Variants in TANC1 observed in about 807,000 individuals in gnomAD.
The protein encoded by TANC1 is tetratricopeptide repeat, ankyrin repeat and coiled-coil containing 1.
TANC1 carries 77 observed loss-of-function variants against 149.7 expected under a neutral mutation model. The ratio of observed to expected loss-of-function variants is 0.51; its 90% CI spans 0.43 to 0.62. TANC1 has a LOEUF of 0.62. Ranked by LOEUF, TANC1 falls within the 20% of genes least tolerant of loss-of-function variation. The pLI is 0.00. For missense variants in TANC1, 1,985 were observed against 2,321.8 expected (o/e 0.85, Z 2.98); for synonymous variants, 854 against 925.0 (o/e 0.92, Z 1.39).
intron 3 of TANC1, among the ~76,000 whole-genome samples, chr2:159,096,293 AT>A (rs35914993): frequency 0.031 from 4,079 of 130,680 alleles, 66 homozygotes; most frequent in African/African-American, 0.042. Context: ...GACTGGCTGT[AT>A]TTTTTTTTTT....
chr2:159,155,348 G>A (rs2053309300), intron 7 of TANC1, among the ~76,000 whole-genome samples: 1 of 152,212 alleles, frequency 6.6e-6, no homozygotes, highest in Non-Finnish European at 1.5e-5. Flanking sequence ...CTGGCTGAGG[G>A]AGGGGCCGTT....
rs10603858 is a variant in TANC1 at position 159,207,697 on chromosome 2, C to CAAAAAAAAAAAAAAAAAAAAAAAAAAA, written c.3244+8648_3244+8674dup. On this transcript the variant is annotated intron_variant, in intron 19 of 26. Transcript: ENST00000263635. ...CTGGGCGACTGAGCAACACGTGTCT[C>CAAAAAAAAAAAAAAAAAAAAAAAAAAA]AAAAAAAAAAAAAAAAAAAAAAAAA... Among the ~76,000 whole-genome samples, 14 of 49,432 alleles carry CAAAAAAAAAAAAAAAAAAAAAAAAAAA rather than the reference C, an allele frequency of 2.8e-4. 1 individual carries two copies. The highest frequency in any genetic ancestry group is 3.9e-4 in the Non-Finnish European group (13 of 33,188). 32.4% of individuals were successfully genotyped at this position (49,432 alleles called of 152,430 possible).
chr2:159,219,512 T>A, intron 21 of TANC1, 151 bp downstream of exon 21: 2 of 1,277,164 alleles, frequency 1.6e-6, no homozygotes, highest in South Asian at 2.7e-5. Flanking sequence ...CACAGCCACA[T>A]GCCTGGTATT....
At chr2:159,197,964 A>C (rs530407530) in intron 18 of TANC1, among the ~76,000 whole-genome samples, 1 of 152,274 alleles carries the variant, frequency 6.6e-6, no homozygotes, top group South Asian at 2.1e-4. Flanking sequence ...AAATCACACT[A>C]TTGGGAGGTC....
intron 19 of TANC1, among the ~76,000 whole-genome samples, chr2:159,199,409 A>G (rs915309877): frequency 5.9e-5 from 9 of 152,218 alleles, no homozygotes; most frequent in African/African-American, 2.2e-4. Context: ...ATGGCGAGCC[A>G]GGCATGAACT....
At position 159,228,809 on chromosome 2, in the gene TANC1, C is replaced by G. The variant is rs1317304774; in HGVS notation, c.4064C>G (p.Ala1355Gly). ...CRRKTNDFGM[A>G]EEFASKALEL... ...TGTCGACACCAGGACTTTGGCATGGCAGAGGAATTTGCTTCCAAGGCTCTC... is the reference window on the plus strand; with the variant it reads ...TGTCGACACCAGGACTTTGGCATGGGAGAGGAATTTGCTTCCAAGGCTCTC... Residue 1355 changes from alanine to glycine, a missense_variant, in exon 26 of 27, where the codon GCA becomes GGA. By Grantham distance (60) the Ala-to-Gly change is moderately conservative (BLOSUM62 0). This residue lies in a region of TANC1 where 920 missense variants were observed against 994.7 expected (regional missense o/e 0.92). Transcript: ENST00000263635. The G allele has an allele frequency of 6.2e-7, 1 of 1,613,958 alleles. No homozygotes were observed. The highest frequency in any genetic ancestry group is 8.5e-7 in the Non-Finnish European group (1 of 1,179,830).
At chr2:159,144,869 C>T (rs2051886144) in intron 5 of TANC1, among the ~76,000 whole-genome samples, 1 of 152,094 alleles carries the variant, frequency 6.6e-6, no homozygotes, top group Admixed American at 6.6e-5. Flanking sequence ...AATGTCAAAC[C>T]AAGGGCCTGT....
rs759393109 is a variant in TANC1 at position 159,087,710 on chromosome 2, C to T, written c.62-9927C>T. ...TTGATTTCAGGCTTTCGGTGTTGGA[C>T]GGGAGGGGACAAGGGTTGTGGGTGA... On this transcript the variant is annotated intron_variant, in intron 3 of 26. Transcript: ENST00000263635. Among the ~76,000 whole-genome samples the T allele has an allele frequency of 4.0e-5, 6 of 151,400 alleles. No individual in the cohort carries two copies. In the South Asian group the frequency reaches 6.3e-4, roughly 16 times the overall value.
chr2:158,974,030 T>C (rs1041539287), intron 1 of TANC1, among the ~76,000 whole-genome samples: 20 of 152,354 alleles, frequency 1.3e-4, no homozygotes, highest in African/African-American at 4.8e-4. Context: ...GACTCTGAAC[T>C]ACATGTTTGA....
chr2:159,081,606 A>G (rs1456000916), intron 3 of TANC1, among the ~76,000 whole-genome samples: 1 of 152,170 alleles, frequency 6.6e-6, no homozygotes, highest in African/African-American at 2.4e-5. Context: ...TGTTGGGGAG[A>G]AATTGATGGG....
chr2:159,089,925 C>T (rs771571200), intron 3 of TANC1, among the ~76,000 whole-genome samples: 11 of 152,170 alleles, frequency 7.2e-5, no homozygotes, highest in Non-Finnish European at 1.3e-4. Flanking sequence ...TTCATTTCAC[C>T]CACTTGCCAA....
chr2:159,164,709 C>T (rs1361812867), intron 8 of TANC1, among the ~76,000 whole-genome samples: 1 of 152,210 alleles, frequency 6.6e-6, no homozygotes, highest in East Asian at 1.9e-4. Context: ...GTGATTTATA[C>T]TGTGCTTTCA....
intron 4 of TANC1, among the ~76,000 whole-genome samples, chr2:159,121,019 T>C (rs948724166): frequency 6.6e-6 from 1 of 152,172 alleles, no homozygotes; most frequent in Non-Finnish European, 1.5e-5. Flanking sequence ...GCAAATACCA[T>C]AGGTTCCAGG....
rs113211092 is a variant in TANC1, at chr2:159,007,224, G to A, written c.-16+6035G>A. On this transcript the variant is annotated intron_variant, in intron 2 of 26. Coordinates refer to ENST00000263635, the MANE Select transcript of TANC1 (RefSeq NM_033394.3). ...TGCAATGGTGCGATCTTGGCTCACC[G>A]CAACCACCGCCTCCCTGGTTCAAGC... is the stretch of plus-strand genomic sequence containing the variant. Among the ~76,000 whole-genome samples the A allele has an allele frequency of 2.5e-3, 331 of 129,988 alleles. 2 individuals carry two copies. Among genetic ancestry groups the A allele is most frequent in the African/African-American group, 8.7e-3 (306 of 35,262 alleles). The allele number at this position is 129,988 out of a possible 152,430, so 85.3% of individuals were successfully genotyped here.
intron 3 of TANC1, among the ~76,000 whole-genome samples, chr2:159,091,452 G>T (rs2045530514): frequency 1.3e-5 from 2 of 152,166 alleles, no homozygotes; most frequent in Non-Finnish European, 2.9e-5. Flanking sequence ...TTGGGGGTGG[G>T]AGTTTTTCTG....
chr2:159,206,856 G>A (rs2058640735), intron 19 of TANC1, among the ~76,000 whole-genome samples: 1 of 152,118 alleles, frequency 6.6e-6, no homozygotes. Context: ...AGAGGAGAGA[G>A]AGAACCTTAT....
At chr2:159,025,189 T>TTTCTTTCTTTC (rs1553519914) in intron 2 of TANC1, among the ~76,000 whole-genome samples, 19 of 105,286 alleles carry the variant, frequency 1.8e-4, no homozygotes, top group East Asian at 1.3e-3. Flanking sequence ...TTTTTCTTTC[T>TTTCTTTCTTTC]TTTCTTTCTT....
chr2:159,150,788 A>C, intron 7 of TANC1: 1 of 498,072 alleles, frequency 2.0e-6, no homozygotes, highest in Non-Finnish European at 3.6e-6. Flanking sequence ...AAAAAAAAAA[A>C]AAAAAGGAAT....
chr2:159,023,543 T>TTCTGCCCAGGCTGTTC (rs571754595), intron 2 of TANC1, among the ~76,000 whole-genome samples: 590 of 152,114 alleles, frequency 3.9e-3, no homozygotes, highest in Non-Finnish European at 7.2e-3. Context: ...GATCTCGCCA[T>TTCTGCCCAGGCTGTTC]TCTGCCCAGG....
Sources: allele counts gnomAD v4.1 joint callset (sites outside exome capture counted in the v4.1 genomes callset), GRCh38; gene constraint gnomAD v4.1.1; regional missense constraint gnomAD v4.1.1; transcripts MANE v1.5; gene names NCBI Gene and HGNC (gene_info 2026-07-23, HGNC 2026-07-21).